The following KCNIP4 variants were observed in gnomAD, a reference collection of about 807,000 sequenced individuals.
The protein encoded by KCNIP4 is potassium voltage-gated channel interacting protein 4.
KCNIP4 carries 12 observed loss-of-function variants against 34.0 expected under a neutral mutation model. The ratio of observed to expected loss-of-function variants is 0.35; its 90% CI spans 0.23 to 0.57. The LOEUF (loss-of-function observed/expected upper bound fraction) is 0.57, where lower values mean the gene tolerates loss of function less well. Among genes scored for constraint, KCNIP4 ranks in the 20% least tolerant of loss-of-function variants. KCNIP4 has a pLI of 0.83. For synonymous variants in KCNIP4, 124 were observed against 102.2 expected (o/e 1.21, Z -1.29); for missense variants, 238 against 311.7 (o/e 0.76, Z 1.78).
In KCNIP4 at chr4:21,763,892, C is replaced by T. The variant is rs141578832; in HGVS notation, c.61+184679G>A. Among the ~76,000 whole-genome samples the T allele has an allele frequency of 2.8e-3, 432 of 152,140 alleles. 3 individuals carry two copies. The highest frequency in any genetic ancestry group is 9.6e-3 in the African/African-American group (400 of 41,522). Reference sequence around the variant, plus strand: ...CTTGTTATGCTTTGAAAAAGGAACCCTCAGCCAACACACAGAATTTGGAAG... The same window carrying T: ...CTTGTTATGCTTTGAAAAAGGAACCTTCAGCCAACACACAGAATTTGGAAG... On this transcript the variant is annotated intron_variant, in intron 1 of 8. Coordinates refer to ENST00000382152, the MANE Select transcript of KCNIP4 (RefSeq NM_025221.6).
chr4:20,831,920 T>C, intron 3 of KCNIP4, among the ~76,000 whole-genome samples: 1 of 152,180 alleles, frequency 6.6e-6, no homozygotes, highest in East Asian at 1.9e-4. Flanking sequence ...CCTATCCCCA[T>C]CCCACTTTCA....
intron 1 of KCNIP4, among the ~76,000 whole-genome samples, chr4:21,087,119 A>G (rs1746514415): frequency 2.0e-5 from 3 of 147,524 alleles, no homozygotes; most frequent in Admixed American, 2.0e-4. Flanking sequence ...AGCTGGCATT[A>G]CAGGCATGCA....
intron 1 of KCNIP4, among the ~76,000 whole-genome samples, chr4:21,492,292 T>A (rs1189281251): frequency 6.6e-6 from 1 of 152,144 alleles, no homozygotes; most frequent in African/African-American, 2.4e-5. Context: ...GATAATAGCT[T>A]ACTACAGTCT....
At chr4:21,441,299 G>A (rs1262672844) in intron 1 of KCNIP4, among the ~76,000 whole-genome samples, 2 of 151,712 alleles carry the variant, frequency 1.3e-5, no homozygotes, top group Admixed American at 6.6e-5. Context: ...CCACCACCAC[G>A]CCCGGCTAAT....
chr4:21,067,446 C>T (rs929582980), intron 1 of KCNIP4, among the ~76,000 whole-genome samples: 2 of 152,122 alleles, frequency 1.3e-5, no homozygotes, highest in African/African-American at 2.4e-5. Context: ...GAGTGCCAGG[C>T]AGGCCCTAGG....
At chr4:21,114,046 A>C (rs1749480582) in intron 1 of KCNIP4, among the ~76,000 whole-genome samples, 1 of 152,204 alleles carries the variant, frequency 6.6e-6, no homozygotes, top group Admixed American at 6.5e-5. Flanking sequence ...GTCCAGACCT[A>C]TCCGTAGCCT....
intron 5 of KCNIP4, among the ~76,000 whole-genome samples, chr4:20,748,894 G>A (rs868801923): frequency 2.8e-5 from 4 of 145,248 alleles, no homozygotes; most frequent in Non-Finnish European, 4.5e-5. Flanking sequence ...GTGTGTGTGT[G>A]TATATATATA....
At chr4:21,874,147 C>T (rs1725967342) in intron 1 of KCNIP4, among the ~76,000 whole-genome samples, 1 of 152,186 alleles carries the variant, frequency 6.6e-6, no homozygotes, top group Admixed American at 6.5e-5. Context: ...ATTGTTAGAC[C>T]AGAATGGTTA....
chr4:20,940,323 TG>T (rs1560586688), intron 1 of KCNIP4, among the ~76,000 whole-genome samples: 1 of 152,230 alleles, frequency 6.6e-6, no homozygotes, highest in Non-Finnish European at 1.5e-5. Context: ...ATCTTATGTC[TG>T]TCTCCTCAAC....
At chr4:21,698,988 T>G (rs1712611650) in intron 1 of KCNIP4, among the ~76,000 whole-genome samples, 1 of 152,224 alleles carries the variant, frequency 6.6e-6, no homozygotes, top group African/African-American at 2.4e-5. Flanking sequence ...TTTTCAGAAC[T>G]TTAATTGAAA....
At chr4:20,864,622 GC>G (rs1449730080) in intron 2 of KCNIP4, among the ~76,000 whole-genome samples, 1 of 151,936 alleles carries the variant, frequency 6.6e-6, no homozygotes, top group African/African-American at 2.4e-5. Flanking sequence ...AGAGGATGAT[GC>G]CCCACTTATC....
intron 1 of KCNIP4, among the ~76,000 whole-genome samples, chr4:21,375,597 C>T (rs1042466544): frequency 3.3e-5 from 5 of 150,146 alleles, no homozygotes; most frequent in South Asian, 4.2e-4. Flanking sequence ...GACAGAGTCT[C>T]GCTCTGTCAC....
chr4:20,888,320 G>A (rs1184450768), intron 1 of KCNIP4, among the ~76,000 whole-genome samples: 1 of 152,086 alleles, frequency 6.6e-6, no homozygotes, highest in East Asian at 1.9e-4. Flanking sequence ...TATATAAAAT[G>A]TTCAATCACT....
intron 1 of KCNIP4, among the ~76,000 whole-genome samples, chr4:21,243,506 A>G (rs1031529043): frequency 1.3e-5 from 2 of 152,250 alleles, no homozygotes; most frequent in Non-Finnish European, 2.9e-5. Context: ...AGTGTATCAC[A>G]GAATGGTTTA....
chr4:21,395,437 C>T (rs905210294), intron 1 of KCNIP4, among the ~76,000 whole-genome samples: 1 of 152,096 alleles, frequency 6.6e-6, no homozygotes, highest in Non-Finnish European at 1.5e-5. Flanking sequence ...TCTCCCCCAC[C>T]CCTTTCCTTT....
At chr4:20,735,319 T>G (rs1749316656) in intron 5 of KCNIP4, among the ~76,000 whole-genome samples, 1 of 152,126 alleles carries the variant, frequency 6.6e-6, no homozygotes, top group African/African-American at 2.4e-5. Context: ...GCCTCAATTT[T>G]CGTATCTGTA....
intron 1 of KCNIP4, among the ~76,000 whole-genome samples, chr4:21,404,040 G>A (rs947436799): frequency 5.9e-5 from 9 of 152,124 alleles, no homozygotes; most frequent in Non-Finnish European, 1.0e-4. Context: ...CATACTTTCC[G>A]GTAGCCATGC....
chr4:21,750,218 T>C (rs1409847531), intron 1 of KCNIP4, among the ~76,000 whole-genome samples: 1 of 152,162 alleles, frequency 6.6e-6, no homozygotes, highest in Non-Finnish European at 1.5e-5. Context: ...AGGGCTTATG[T>C]TCAAGAAACC....
intron 1 of KCNIP4, among the ~76,000 whole-genome samples, chr4:21,892,569 C>T (rs1461798498): frequency 1.2e-5 from 1 of 80,496 alleles, no homozygotes; most frequent in Non-Finnish European, 2.6e-5. Flanking sequence ...AAAAAAAAAA[C>T]TATTGATTTT....
Sources: gnomAD v4.1 joint callset for allele counts (sites outside exome capture counted in the v4.1 genomes callset) on GRCh38, gnomAD v4.1.1 for gene constraint, MANE v1.5 for transcripts, NCBI Gene and HGNC (gene_info 2026-07-23, HGNC 2026-07-21) for gene names.